The following C1GALT1 variants were observed in gnomAD, a reference collection of about 807,000 sequenced individuals.
C1GALT1 encodes core 1 synthase, glycoprotein-N-acetylgalactosamine 3-beta-galactosyltransferase 1.
A neutral mutation model predicts 31.0 loss-of-function variants in C1GALT1; 11 were observed. The observed-to-expected ratio is 0.36, with a 90% confidence interval of 0.22 to 0.59. The LOEUF is 0.59. Among genes scored for constraint, C1GALT1 ranks in the 20% least tolerant of loss-of-function variants. The pLI, the probability that C1GALT1 is intolerant of heterozygous loss-of-function variation, is 0.79. For synonymous variants in C1GALT1, 175 were observed against 143.6 expected, an observed-to-expected ratio of 1.22 and a Z score of -1.56; for missense variants, 424 against 425.2, an observed-to-expected ratio of 1.00 and a Z score of 0.03.
intron 1 of C1GALT1, among the ~76,000 whole-genome samples, chr7:7,218,174 A>G (rs1782337253): frequency 6.6e-6 from 1 of 152,328 alleles, no homozygotes; most frequent in Middle Eastern, 3.4e-3. Context: ...GGAGTAGACA[A>G]AATCAGGCCA....
chr7:7,205,643 T>A (rs1781709124), intron 1 of C1GALT1, among the ~76,000 whole-genome samples: 1 of 152,234 alleles, frequency 6.6e-6, no homozygotes, highest in Admixed American at 6.5e-5. Flanking sequence ...CTGTATTGAA[T>A]CTTTTATTAA....
chr7:7,227,442 C>G (rs1471801661), intron 1 of C1GALT1, among the ~76,000 whole-genome samples: 1 of 152,116 alleles, frequency 6.6e-6, no homozygotes, highest in African/African-American at 2.4e-5. Flanking sequence ...AAGGGAAGGC[C>G]GGGCGCGGTG....
intron 1 of C1GALT1, among the ~76,000 whole-genome samples, chr7:7,215,774 G>GT (rs1782207953): frequency 6.6e-6 from 1 of 152,072 alleles, no homozygotes; most frequent in Non-Finnish European, 1.5e-5. Flanking sequence ...TTTAGCTGCA[G>GT]TGAGGGCTTG....
chr7:7,197,146 G>C (rs1279502593), intron 1 of C1GALT1, among the ~76,000 whole-genome samples: 5 of 152,166 alleles, frequency 3.3e-5, no homozygotes, highest in East Asian at 3.8e-4. Flanking sequence ...TATTGCCTAG[G>C]TTTTCTTACA....
At chr7:7,186,228 C>T (rs1780810545) in intron 1 of C1GALT1, among the ~76,000 whole-genome samples, 1 of 152,170 alleles carries the variant, frequency 6.6e-6, no homozygotes, top group African/African-American at 2.4e-5. Flanking sequence ...CCTTAGTACC[C>T]AGTCACCATT....
intron 2 of C1GALT1, among the ~76,000 whole-genome samples, chr7:7,172,309 G>A (rs12702586): frequency 0.11 from 17,144 of 152,026 alleles, 1,023 homozygotes; most frequent in East Asian, 0.21. Flanking sequence ...TAAGAAACTG[G>A]CCTTTAATTT....
intron 1 of C1GALT1, among the ~76,000 whole-genome samples, chr7:7,218,930 T>C (rs935035677): frequency 2.6e-5 from 4 of 151,828 alleles, no homozygotes; most frequent in Non-Finnish European, 4.4e-5. Flanking sequence ...GCCTCCGCAG[T>C]TCACGCCATT....
At position 7,182,636 on chromosome 7, in the gene C1GALT1, G is replaced by C. The variant is rs1350761295; in HGVS notation, c.-202G>C. On this transcript the variant is annotated 5_prime_UTR_variant, in exon 1 of 4. Coordinates refer to ENST00000436587, the MANE Select transcript of C1GALT1 (RefSeq NM_020156.5). ...AGCGAGCGGGCGGGAGCGCGCGCTGGGCCCGCCTTGGCCGCCGCCGCTGTG... is the reference window on the plus strand; with the variant it reads ...AGCGAGCGGGCGGGAGCGCGCGCTGCGCCCGCCTTGGCCGCCGCCGCTGTG... 1 of 224,342 alleles carries C rather than the reference G, an allele frequency of 4.5e-6. No homozygotes were observed. The highest frequency in any genetic ancestry group is 2.3e-5 in the African/African-American group (1 of 42,754). 13.9% of individuals were successfully genotyped at this position (224,342 alleles called of 1,614,324 possible).
At chr7:7,234,777 A>G (rs1057392898) in intron 2 of C1GALT1, 5 of 355,696 alleles carry the variant, frequency 1.4e-5, no homozygotes, top group Non-Finnish European at 2.0e-5. Flanking sequence ...GGGGAAGGGC[A>G]TAACTATTCA....
upstream of C1GALT1, among the ~76,000 whole-genome samples, chr7:7,179,859 CAAAAAAAAAA>C (rs34406199): frequency 2.1e-5 from 2 of 96,006 alleles, no homozygotes; most frequent in Admixed American, 9.9e-5. Flanking sequence ...GTTTCAGGTT[CAAAAAAAAAA>C]AAAAAAAAGG....
intron 1 of C1GALT1, among the ~76,000 whole-genome samples, chr7:7,207,271 G>C (rs759365946): frequency 1.4e-5 from 2 of 147,180 alleles, no homozygotes; most frequent in African/African-American, 5.0e-5. Context: ...TGTACTTTTC[G>C]GCTTCAGAAT....
intron 1 of C1GALT1, among the ~76,000 whole-genome samples, chr7:7,191,287 G>A (rs964596476): frequency 6.6e-6 from 1 of 152,080 alleles, no homozygotes; most frequent in African/African-American, 2.4e-5. Flanking sequence ...ATGTCCTCAA[G>A]ATTCATTCAT....
At chr7:7,191,361 T>C (rs1781063533) in intron 1 of C1GALT1, among the ~76,000 whole-genome samples, 1 of 152,176 alleles carries the variant, frequency 6.6e-6, no homozygotes, top group Non-Finnish European at 1.5e-5. Context: ...TGTATGTAAA[T>C]ACATTTTGCT....
At chr7:7,162,275 C>A (rs1429491777) in intron 2 of C1GALT1, among the ~76,000 whole-genome samples, 2 of 106,942 alleles carry the variant, frequency 1.9e-5, no homozygotes, top group African/African-American at 3.6e-5. Context: ...CTCCCCCCAC[C>A]CCACAACAGT....
intron 2 of C1GALT1, among the ~76,000 whole-genome samples, chr7:7,170,210 T>C (rs1237183264): frequency 6.6e-6 from 1 of 152,220 alleles, no homozygotes; most frequent in African/African-American, 2.4e-5. Context: ...GGTTTGTCAA[T>C]TTGATTACTT....
In C1GALT1 at chr7:7,247,528, T is replaced by C. The variant is rs1013584280; in HGVS notation, c.*3801T>C. On this transcript the variant is annotated 3_prime_UTR_variant, in exon 4 of 4. Coordinates refer to ENST00000436587, the MANE Select transcript of C1GALT1 (RefSeq NM_020156.5). ...AATTGGATTTGAGCAGTAAATTTGC[T>C]AACTGGTTATTTTCACAATTTTCTT... 1.3e-5 allele frequency: 2 copies of C among 152,180 alleles called. No homozygotes were observed. Among genetic ancestry groups the C allele is most frequent in the African/African-American group, 4.8e-5 (2 of 41,472 alleles). The allele number at this position is 152,180 out of a possible 1,614,324, so 9.4% of individuals were successfully genotyped here.
chr7:7,202,711 C>G (rs1195606341), intron 1 of C1GALT1, among the ~76,000 whole-genome samples: 1 of 152,082 alleles, frequency 6.6e-6, no homozygotes, highest in Non-Finnish European at 1.5e-5. Context: ...TTCAGGGTCC[C>G]TTAATATTCC....
intron 1 of C1GALT1, among the ~76,000 whole-genome samples, chr7:7,219,067 G>C (rs1241728596): frequency 1.3e-5 from 2 of 152,072 alleles, no homozygotes; most frequent in African/African-American, 2.4e-5. Flanking sequence ...TCGATCTCCT[G>C]ACCTTCGTGA....
rs2128255928 is a variant in C1GALT1 at position 7,247,109 on chromosome 7, G to C, written c.*3382G>C. The C allele has an allele frequency of 6.6e-6, 1 of 152,194 alleles. No homozygotes were observed. Among genetic ancestry groups the C allele is most frequent in the East Asian group, 1.9e-4 (1 of 5,184 alleles). The allele number at this position is 152,194 out of a possible 1,614,324, so 9.4% of individuals were successfully genotyped here. ...AATTGTTAGTAAAAAAAATTAAATTGAAGTAGTAAATGCTGTTTTATAACA... is the reference window on the plus strand; with the variant it reads ...AATTGTTAGTAAAAAAAATTAAATTCAAGTAGTAAATGCTGTTTTATAACA... On this transcript the variant is annotated 3_prime_UTR_variant, in exon 4 of 4. Transcript: ENST00000436587.
Sources: gnomAD v4.1 joint callset for allele counts (sites outside exome capture counted in the v4.1 genomes callset) on GRCh38, gnomAD v4.1.1 for gene constraint, MANE v1.5 for transcripts, NCBI Gene and HGNC (gene_info 2026-07-23, HGNC 2026-07-21) for gene names.